ENOX1: variants seen among roughly 807,000 people sequenced by gnomAD.
ENOX1 encodes the protein ecto-NOX disulfide-thiol exchanger 1.
In ENOX1, 42 loss-of-function variants were observed where a neutral mutation model predicts 82.5. The observed-to-expected ratio is 0.51, with a 90% CI of 0.40 to 0.66. The LOEUF is 0.66. Ranked by LOEUF, ENOX1 falls within the 30% of genes least tolerant of loss-of-function variation. The pLI is 0.00. For missense variants in ENOX1, 608 were observed against 811.6 expected (o/e 0.75, Z 3.05); for synonymous variants, 271 against 282.2 (o/e 0.96, Z 0.40).
intron 14 of ENOX1, among the ~76,000 whole-genome samples, chr13:43,237,307 T>C (rs941725901): frequency 6.6e-6 from 1 of 152,188 alleles, no homozygotes. Context: ...AACAAGCCAA[T>C]AACACGTGAA....
intron 2 of ENOX1, among the ~76,000 whole-genome samples, chr13:43,638,986 T>C (rs917199342): frequency 6.6e-6 from 1 of 152,196 alleles, no homozygotes; most frequent in African/African-American, 2.4e-5. Context: ...GCATGAATAT[T>C]AGTACTTTCA....
rs2081307982 is a variant in ENOX1 at position 43,592,936 on chromosome 13, A to C, written c.-219+74543T>G. On this transcript the variant is annotated intron_variant, in intron 2 of 16. Transcript: ENST00000690772. ...CAGATACCCATACAAAAACACTTTC[A>C]TAAATTGTTAAGGTTTTACTTAATA... Among the ~76,000 whole-genome samples the C allele has an allele frequency of 2.0e-5, 3 of 152,248 alleles. No individual in the cohort carries two copies. The South Asian group carries it at 6.2e-4, about 32-fold the overall frequency.
intron 2 of ENOX1, among the ~76,000 whole-genome samples, chr13:43,611,243 C>T (rs1044339311): frequency 6.6e-6 from 1 of 152,120 alleles, no homozygotes; most frequent in Non-Finnish European, 1.5e-5. Flanking sequence ...GCTCTGCTCA[C>T]CCAGACATAC....
At chr13:43,763,018 T>A (rs1387943717) in intron 1 of ENOX1, among the ~76,000 whole-genome samples, 1 of 152,234 alleles carries the variant, frequency 6.6e-6, no homozygotes, top group African/African-American at 2.4e-5. Context: ...TGAATCTTCT[T>A]CATATTTAAC....
At chr13:43,732,995 A>G (rs2089429380) in intron 1 of ENOX1, among the ~76,000 whole-genome samples, 1 of 152,080 alleles carries the variant, frequency 6.6e-6, no homozygotes, top group Admixed American at 6.5e-5. Flanking sequence ...GACGGCCCAC[A>G]CCTAACTGGC....
At chr13:43,613,495 C>T (rs550181717) in intron 2 of ENOX1, among the ~76,000 whole-genome samples, 1 of 151,844 alleles carries the variant, frequency 6.6e-6, no homozygotes, top group African/African-American at 2.4e-5. Context: ...ATCAAGGACA[C>T]TAAGAGTTGT....
At chr13:43,354,545 C>T (rs1159872971) in intron 8 of ENOX1, among the ~76,000 whole-genome samples, 3 of 150,836 alleles carry the variant, frequency 2.0e-5, no homozygotes, top group Non-Finnish European at 4.4e-5. Flanking sequence ...GCTTTTCATA[C>T]ATTTTTTTTA....
intron 2 of ENOX1, among the ~76,000 whole-genome samples, chr13:43,650,017 C>T: frequency 6.6e-6 from 1 of 152,220 alleles, no homozygotes; most frequent in East Asian, 1.9e-4. Context: ...ATCACTCTGC[C>T]ATCCACCAGT....
At chr13:43,586,129 C>T (rs2080969281) in intron 2 of ENOX1, among the ~76,000 whole-genome samples, 1 of 152,204 alleles carries the variant, frequency 6.6e-6, no homozygotes, top group African/African-American at 2.4e-5. Flanking sequence ...CAGCCTGTGG[C>T]TCCTTACTGT....
At position 43,488,205 on chromosome 13, in the gene ENOX1, G is replaced by GGT. The variant is rs1383693941; in HGVS notation, c.-218-4055_-218-4054dup. On this transcript the variant is annotated intron_variant, in intron 2 of 16. Transcript: ENST00000690772. ...TGTTGCCAATGTGATAGTGTGAAGAGGTATAGCCTTTAAGAGATGATTAGG... is the reference window on the plus strand; with the variant it reads ...TGTTGCCAATGTGATAGTGTGAAGAGGTGTATAGCCTTTAAGAGATGATTAGG... Among the ~76,000 whole-genome samples the GGT allele has an allele frequency of 7.9e-5, 12 of 152,276 alleles. No homozygotes were observed. The East Asian group carries it at 2.1e-3, about 27-fold the overall frequency.
At chr13:43,732,440 C>T (rs550907935) in intron 1 of ENOX1, among the ~76,000 whole-genome samples, 1 of 152,298 alleles carries the variant, frequency 6.6e-6, no homozygotes, top group East Asian at 1.9e-4. Context: ...AATGTGAGCA[C>T]CTAGAATGTG....
intron 14 of ENOX1, among the ~76,000 whole-genome samples, chr13:43,257,934 G>T (rs2043843672): frequency 6.6e-6 from 1 of 152,142 alleles, no homozygotes; most frequent in Non-Finnish European, 1.5e-5. Flanking sequence ...CTCTAACCTG[G>T]CCTGGAGGAA....
At chr13:43,329,348 G>A (rs1055770727) in intron 9 of ENOX1, among the ~76,000 whole-genome samples, 3 of 152,180 alleles carry the variant, frequency 2.0e-5, no homozygotes, top group Admixed American at 6.5e-5. Context: ...TTGACAGGGA[G>A]ACTTGATAGG....
At chr13:43,609,175 T>C (rs1409712252) in intron 2 of ENOX1, among the ~76,000 whole-genome samples, 1 of 152,206 alleles carries the variant, frequency 6.6e-6, no homozygotes, top group Non-Finnish European at 1.5e-5. Flanking sequence ...TATACATAGG[T>C]ACTTCTTTAT....
At chr13:43,703,926 T>G (rs889550991) in intron 1 of ENOX1, among the ~76,000 whole-genome samples, 1 of 151,972 alleles carries the variant, frequency 6.6e-6, no homozygotes, top group Non-Finnish European at 1.5e-5. Flanking sequence ...GGTTATTGTA[T>G]CCCTTCCTCA....
chr13:43,572,498 G>A (rs1240026644), intron 2 of ENOX1, among the ~76,000 whole-genome samples: 1 of 152,130 alleles, frequency 6.6e-6, no homozygotes, highest in Non-Finnish European at 1.5e-5. Flanking sequence ...ATGATCCAGG[G>A]GAGTCATGGC....
chr13:43,724,116 C>A (rs1255575630), intron 1 of ENOX1, among the ~76,000 whole-genome samples: 1 of 152,130 alleles, frequency 6.6e-6, no homozygotes, highest in Non-Finnish European at 1.5e-5. Context: ...GTTGTGAACA[C>A]CAGGAAAATA....
At chr13:43,763,207 G>C (rs1403079818) in intron 1 of ENOX1, among the ~76,000 whole-genome samples, 3 of 152,160 alleles carry the variant, frequency 2.0e-5, no homozygotes, top group Non-Finnish European at 4.4e-5. Context: ...AGATTAGGTG[G>C]CTTATAAACA....
intron 1 of ENOX1, among the ~76,000 whole-genome samples, chr13:43,731,863 C>T (rs9533601): frequency 0.079 from 11,989 of 152,156 alleles, 714 homozygotes; most frequent in African/African-American, 0.16. Flanking sequence ...AACATTTCTG[C>T]CATTGAGGTC....
Sources: allele counts gnomAD v4.1 joint callset (sites outside exome capture counted in the v4.1 genomes callset), GRCh38; gene constraint gnomAD v4.1.1; transcripts MANE v1.5; gene names NCBI Gene and HGNC (gene_info 2026-07-23, HGNC 2026-07-21).